The following DLC1 variants were observed in gnomAD, a reference collection of about 807,000 sequenced individuals.
DLC1 encodes the protein rho GTPase-activating protein 7.
DLC1 carries 54 observed loss-of-function variants against 140.3 expected under a neutral mutation model. That is an observed-to-expected ratio of 0.38 (90% CI 0.31 to 0.48). DLC1 has a LOEUF of 0.48. DLC1 is among the 20% of genes least tolerant of loss of function. The pLI, the probability that DLC1 is intolerant of heterozygous loss-of-function variation, is 0.96. For missense variants in DLC1, 2,536 were observed against 1,907.0 expected, an observed-to-expected ratio of 1.33 and a Z score of -6.14; for synonymous variants, 986 against 728.1, an observed-to-expected ratio of 1.35 and a Z score of -5.70.
At chr8:13,130,897 C>T (rs1326792557) in intron 5 of DLC1, among the ~76,000 whole-genome samples, 1 of 152,214 alleles carries the variant, frequency 6.6e-6, no homozygotes, top group Non-Finnish European at 1.5e-5. Context: ...ACTCAGTCTG[C>T]TGTGCTTCAT....
chr8:13,151,612 G>T (rs546505216), intron 5 of DLC1, among the ~76,000 whole-genome samples: 29 of 152,322 alleles, frequency 1.9e-4, no homozygotes, highest in African/African-American at 6.7e-4. Flanking sequence ...GAAGAAAAGA[G>T]AAATGATTAA....
At chr8:13,432,942 CTTTTTT>C (rs35776848) in intron 2 of DLC1, among the ~76,000 whole-genome samples, 1 of 93,014 alleles carries the variant, frequency 1.1e-5, no homozygotes, top group Non-Finnish European at 2.0e-5. Flanking sequence ...TCCTCTCTTC[CTTTTTT>C]TTTTTTTTTT....
At chr8:13,112,004 T>C (rs1236496107) in intron 6 of DLC1, among the ~76,000 whole-genome samples, 1 of 151,978 alleles carries the variant, frequency 6.6e-6, no homozygotes, top group Non-Finnish European at 1.5e-5. Context: ...AAAAAAATTT[T>C]ACTGGGCATG....
chr8:13,143,705 C>T (rs1823190011), intron 5 of DLC1, among the ~76,000 whole-genome samples: 1 of 152,096 alleles, frequency 6.6e-6, no homozygotes. Flanking sequence ...AGCCACCACA[C>T]CCAGCATCAG....
At chr8:13,119,701 C>T (rs1290873341) in intron 5 of DLC1, among the ~76,000 whole-genome samples, 1 of 152,198 alleles carries the variant, frequency 6.6e-6, no homozygotes, top group East Asian at 1.9e-4. Flanking sequence ...CCTGTAACCC[C>T]AGCATTCTGG....
chr8:13,250,820 C>A (rs995407482), intron 5 of DLC1, among the ~76,000 whole-genome samples: 2 of 152,112 alleles, frequency 1.3e-5, no homozygotes, highest in Non-Finnish European at 2.9e-5. Flanking sequence ...TCTTCCCAAA[C>A]AAGCTTCTAT....
At chr8:13,171,875 G>A (rs1373854260) in intron 5 of DLC1, among the ~76,000 whole-genome samples, 3 of 152,120 alleles carry the variant, frequency 2.0e-5, no homozygotes, top group African/African-American at 7.2e-5. Flanking sequence ...GGAGGGAGAA[G>A]GGAAGAGAGG....
intron 1 of DLC1, among the ~76,000 whole-genome samples, chr8:13,580,209 G>T (rs909575609): frequency 6.6e-6 from 1 of 151,764 alleles, no homozygotes; most frequent in African/African-American, 2.4e-5. Context: ...TGCAGCCTCT[G>T]CCTCCCTGGT....
intron 5 of DLC1, among the ~76,000 whole-genome samples, chr8:13,139,284 G>A (rs1822796535): frequency 1.3e-5 from 1 of 76,496 alleles, no homozygotes; most frequent in East Asian, 4.4e-4. Context: ...GTGAGACCCT[G>A]TCTCAAAAAA....
chr8:13,300,816 T>C (rs1407996870), intron 5 of DLC1, among the ~76,000 whole-genome samples: 1 of 152,214 alleles, frequency 6.6e-6, no homozygotes. Context: ...GGAACTGACA[T>C]GATCAGGTTA....
At chr8:13,367,070 A>C (rs1018985708) in intron 4 of DLC1, among the ~76,000 whole-genome samples, 1 of 152,036 alleles carries the variant, frequency 6.6e-6, no homozygotes, top group Admixed American at 6.6e-5. Flanking sequence ...TGTATTTTAT[A>C]ATGCTAAAAA....
intron 6 of DLC1, among the ~76,000 whole-genome samples, chr8:13,114,853 C>T (rs552907048): frequency 4.6e-5 from 7 of 152,202 alleles, no homozygotes; most frequent in Middle Eastern, 6.8e-3. Flanking sequence ...CAATATCAAG[C>T]GTTGAGGGAA....
chr8:13,375,725 TTTTA>T (rs1835947771), intron 4 of DLC1, among the ~76,000 whole-genome samples: 6 of 46,292 alleles, frequency 1.3e-4, no homozygotes, highest in Non-Finnish European at 2.8e-4. Context: ...TGTTATTTTA[TTTTA>T]TTTTTATTTT....
chr8:13,581,672 T>C (rs191971860), intron 1 of DLC1, among the ~76,000 whole-genome samples: 46 of 152,320 alleles, frequency 3.0e-4, no homozygotes, highest in Admixed American at 1.8e-3. Context: ...CCAGTCTACA[T>C]AATGAAGGTA....
At chr8:13,152,097 C>G (rs920267969) in intron 5 of DLC1, among the ~76,000 whole-genome samples, 6 of 152,198 alleles carry the variant, frequency 3.9e-5, no homozygotes, top group African/African-American at 1.4e-4. Flanking sequence ...AATACAGTCT[C>G]AGGGTTGCTT....
Position 13,099,792 on chromosome 8 carries a change from T to C in DLC1, c.2545A>G (p.Ile849Val). 6.2e-7 allele frequency: 1 copy of C among 1,614,164 alleles called. No homozygotes were observed. The highest frequency in any genetic ancestry group is 8.5e-7 in the Non-Finnish European group (1 of 1,180,046). Reference sequence around the variant, plus strand: ...CTACTGTTTTCCCTCCTGAGGCTGATGTGGCCAGGGCCGTGGAAGCTTCCC... The same window carrying C: ...CTACTGTTTTCCCTCCTGAGGCTGACGTGGCCAGGGCCGTGGAAGCTTCCC... ...RTGSFHGPGH[I>V]SLRRENSSDS... The change falls in exon 9 of 18, where the codon ATC (isoleucine) becomes GTC (valine). Residue 849 changes from isoleucine to valine, a missense_variant. Ile to Val is a conservative substitution (Grantham distance 29). Transcript: ENST00000276297.
intron 5 of DLC1, among the ~76,000 whole-genome samples, chr8:13,268,623 T>C (rs1830787807): frequency 6.6e-6 from 1 of 152,166 alleles, no homozygotes; most frequent in Non-Finnish European, 1.5e-5. Context: ...CTTCAAGTGA[T>C]CCTTCCACCT....
At chr8:13,295,586 A>T (rs1259462789) in intron 5 of DLC1, among the ~76,000 whole-genome samples, 1 of 152,192 alleles carries the variant, frequency 6.6e-6, no homozygotes, top group Non-Finnish European at 1.5e-5. Flanking sequence ...ATTATGTCTT[A>T]ATTCTATAAT....
At chr8:13,578,408 C>G (rs1804923327) in intron 1 of DLC1, among the ~76,000 whole-genome samples, 2 of 152,150 alleles carry the variant, frequency 1.3e-5, no homozygotes, top group African/African-American at 2.4e-5. Flanking sequence ...CCCTGCTACA[C>G]CAAGCAATTC....
Sources: gnomAD v4.1 joint callset for allele counts (sites outside exome capture counted in the v4.1 genomes callset) on GRCh38, gnomAD v4.1.1 for gene constraint, MANE v1.5 for transcripts, NCBI Gene and HGNC (gene_info 2026-07-23, HGNC 2026-07-21) for gene names.